The following NKX2-2 variants were observed in gnomAD, a reference collection of about 807,000 sequenced individuals.
NKX2-2 encodes homeobox protein Nkx-2.2.
A neutral mutation model predicts 24.6 loss-of-function variants in NKX2-2; 8 were observed. The ratio of observed to expected loss-of-function variants is 0.32; its 90% CI spans 0.19 to 0.59. The LOEUF (loss-of-function observed/expected upper bound fraction) is 0.59, where lower values mean the gene tolerates loss of function less well. Ranked by LOEUF, NKX2-2 falls within the 20% of genes least tolerant of loss-of-function variation. The pLI is 0.86. For missense variants in NKX2-2, 381 were observed against 373.9 expected (o/e 1.02, Z -0.16); for synonymous variants, 217 against 173.3 (o/e 1.25, Z -1.98).
chr20:21,515,331 G>A (rs1348202574), upstream of NKX2-2, among the ~76,000 whole-genome samples: 4 of 152,086 alleles, frequency 2.6e-5, no homozygotes, highest in Non-Finnish European at 4.4e-5. Flanking sequence ...GGGGGAGGGG[G>A]GTCGCTGGGT....
At chr20:21,520,751 G>C in the NKX2-2 span, among the ~76,000 whole-genome samples, 1 of 152,134 alleles carries the variant, frequency 6.6e-6, no homozygotes, top group Non-Finnish European at 1.5e-5. Flanking sequence ...GAACTCCTTG[G>C]CTTTATTCGT....
chr20:21,521,626 A>C, the NKX2-2 span, among the ~76,000 whole-genome samples: 1 of 151,980 alleles, frequency 6.6e-6, no homozygotes. Flanking sequence ...TCTCCAAATT[A>C]CCTTCGGGAC....
At chr20:21,521,781 G>C in the NKX2-2 span, among the ~76,000 whole-genome samples, 1 of 152,208 alleles carries the variant, frequency 6.6e-6, no homozygotes, top group South Asian at 2.1e-4. Flanking sequence ...AATCGGGAGG[G>C]AGCTAGCCAG....
At chr20:21,519,129 C>T in the NKX2-2 span, among the ~76,000 whole-genome samples, 1 of 152,238 alleles carries the variant, frequency 6.6e-6, no homozygotes, top group Admixed American at 6.5e-5. Context: ...CACAAAAGCG[C>T]TTCCAATCAT....
At position 21,513,764 on chromosome 20, in the gene NKX2-2, TG is replaced by T; in HGVS notation, c.-96del. 2 of 50,736 alleles carry T rather than the reference TG, an allele frequency of 3.9e-5. No individual in the cohort carries two copies. The highest frequency in any genetic ancestry group is 6.0e-5 in the Non-Finnish European group (2 of 33,598). The allele number at this position is 50,736 out of a possible 1,614,324, so 3.1% of individuals were successfully genotyped here. A position where few individuals can be genotyped will look rare whatever the true frequency, so the allele number is the denominator to read the frequency against. On this transcript the variant is annotated 5_prime_UTR_variant, in exon 1 of 2. Transcript: ENST00000377142. The surrounding 1 kb of genome is among the most constrained non-coding windows in gnomAD (Gnocchi z 4.6). ...CCCGGCGGGCGGGGGAGGGGGGAGT[TG>T]GGGGGAGGGACTGGGGGAGGGGAGG... is the stretch of plus-strand genomic sequence containing the variant.
At position 21,513,954 on chromosome 20, in the gene NKX2-2, C is replaced by G. The variant is rs1325292763; in HGVS notation, c.-285G>C. 4.3e-6 allele frequency: 1 copy of G among 234,936 alleles called. No individual in the cohort carries two copies. Among genetic ancestry groups the G allele is most frequent in the Admixed American group, 5.8e-5 (1 of 17,324 alleles). The allele number at this position is 234,936 out of a possible 1,614,324, so 14.6% of individuals were successfully genotyped here. On this transcript the variant is annotated 5_prime_UTR_variant, in exon 1 of 2. Coordinates refer to ENST00000377142, the MANE Select transcript of NKX2-2 (RefSeq NM_002509.4). The surrounding 1 kb of genome is among the most constrained non-coding windows in gnomAD (Gnocchi z 4.6). The stretch of plus-strand genomic sequence containing the variant: ...GCCGGGCGGCCTGCGCGCCGAGCGC[C>G]GCGGGCCCCGGCCTTAGTTTCTAAC...
upstream of NKX2-2, among the ~76,000 whole-genome samples, chr20:21,514,868 C>A (rs1980579978): frequency 6.6e-6 from 1 of 152,192 alleles, no homozygotes; most frequent in Admixed American, 6.5e-5. Context: ...GAGAGAGCTC[C>A]GCTCCGGGCC....
chr20:21,517,105 GAGA>G (rs1439297757), upstream of NKX2-2, among the ~76,000 whole-genome samples: 1 of 152,200 alleles, frequency 6.6e-6, no homozygotes, highest in Admixed American at 6.5e-5. Flanking sequence ...TAGGCGCCTA[GAGA>G]AGGAGGCCCT....
chr20:21,522,371 C>T, the NKX2-2 span, among the ~76,000 whole-genome samples: 1 of 152,170 alleles, frequency 6.6e-6, no homozygotes, highest in Non-Finnish European at 1.5e-5. Context: ...GCCGCGGTGA[C>T]CGTGCCCGGA....
Position 21,513,504 on chromosome 20 carries a change from C to T in NKX2-2, c.166G>A (p.Val56Met), listed in dbSNP as rs771424514. The T allele has an allele frequency of 2.5e-6, 4 of 1,612,970 alleles. No individual in the cohort carries two copies. The highest frequency in any genetic ancestry group is 3.3e-5 in the Admixed American group (2 of 59,894). The change falls in exon 1 of 2, where the codon GTG (valine) becomes ATG (methionine). Residue 56 changes from valine (V) to methionine (M), a missense_variant. Val to Met is a conservative substitution (Grantham distance 21). This residue lies in a region of NKX2-2 where 206 missense variants were observed against 173.1 expected (regional missense o/e 1.19). Transcript: ENST00000377142. This position sits in a 1 kb window ranked among gnomAD's most constrained non-coding sequence, Gnocchi z 4.6. ...GPLGQGALDA[V>M]QSLPLKNPFY... ...GGGTTCTTCAGGGGCAGGCTCTGCA[C>T]CGCGTCCAGGGCGCCCTGCCCCAGC... is the stretch of plus-strand genomic sequence containing the variant.
At chr20:21,522,665 C>A in the NKX2-2 span, among the ~76,000 whole-genome samples, 3 of 151,676 alleles carry the variant, frequency 2.0e-5, no homozygotes, top group African/African-American at 7.2e-5. Context: ...CGCGGGCGGT[C>A]GGGCGGCGGC....
At position 21,511,956 on chromosome 20, in the gene NKX2-2, G is replaced by T. The variant is rs1980446822; in HGVS notation, c.789C>A (p.His263Gln). The T allele has an allele frequency of 1.2e-6, 2 of 1,604,604 alleles. No individual in the cohort carries two copies. The highest frequency in any genetic ancestry group is 1.1e-5 in the South Asian group (1 of 90,916). Reference sequence around the variant, plus strand: ...TCCACTGCTGGGCCTGGACCAGGGGGTGTGCTGTCGGGTACTGGGGGGTGC... The same window carrying T: ...TCCACTGCTGGGCCTGGACCAGGGGTTGTGCTGTCGGGTACTGGGGGGTGC... ...SASTPQYPTAHPLVQAQQWTW is the reference protein window; with the variant it reads ...SASTPQYPTAQPLVQAQQWTW Residue 263 changes from histidine to glutamine, a missense_variant, in exon 2 of 2, where the codon CAC becomes CAA. Transcript: ENST00000377142.
chr20:21,522,600 G>A, the NKX2-2 span, among the ~76,000 whole-genome samples: 1 of 151,978 alleles, frequency 6.6e-6, no homozygotes, highest in Non-Finnish European at 1.5e-5. Flanking sequence ...CCTCGGCTGG[G>A]CGAGCGCGCA....
At chr20:21,516,386 C>A (rs1013817283), upstream of NKX2-2, among the ~76,000 whole-genome samples, 2 of 145,668 alleles carry the variant, frequency 1.4e-5, no homozygotes, top group Admixed American at 6.8e-5. Context: ...CATTACTTTT[C>A]GTGCTTTTTT....
the NKX2-2 span, among the ~76,000 whole-genome samples, chr20:21,521,859 C>G: frequency 2.6e-5 from 4 of 152,214 alleles, no homozygotes; most frequent in African/African-American, 9.6e-5. Context: ...CATTTCAAGG[C>G]GCGTCTTTAT....
chr20:21,520,399 T>C, the NKX2-2 span, among the ~76,000 whole-genome samples: 1 of 152,224 alleles, frequency 6.6e-6, no homozygotes, highest in African/African-American at 2.4e-5. Context: ...CTCCCAAGGA[T>C]GTAAATAGTA....
rs199565028 is a variant in NKX2-2, at chr20:21,512,095, G to A, written c.650C>T (p.Ala217Val). ...VLVRDGKPCHALKAQDLAAAT... is the reference protein window; with the variant it reads ...VLVRDGKPCHVLKAQDLAAAT... ...GGCTGCCAGGTCCTGGGCTTTGAGC[G>A]CGTGACATGGTTTGCCGTCCCTGAC... The change falls in exon 2 of 2, where the codon GCG (alanine) becomes GTG (valine). Residue 217 changes from alanine to valine, a missense_variant. Ala to Val is a moderately conservative substitution (Grantham distance 64). Around this residue, in one of 3 missense-constraint regions of NKX2-2, gnomAD observed 139 missense variants for 121.7 expected, o/e 1.14. Transcript: ENST00000377142. 192 of 1,613,740 alleles carry A rather than the reference G, an allele frequency of 1.2e-4. 1 individual carries two copies. The highest frequency in any genetic ancestry group is 1.5e-4 in the Non-Finnish European group (179 of 1,179,958).
upstream of NKX2-2, among the ~76,000 whole-genome samples, chr20:21,517,807 T>A (rs866456502): frequency 2.0e-5 from 3 of 151,908 alleles, no homozygotes; most frequent in Non-Finnish European, 4.4e-5. Flanking sequence ...TCCCCGAGAG[T>A]ACCACAGCTA....
Position 21,511,793 on chromosome 20 carries a change from G to C in NKX2-2, c.*130C>G, listed in dbSNP as rs1480016557. 1.4e-6 allele frequency: 1 copy of C among 701,150 alleles called. No individual in the cohort carries two copies. Among genetic ancestry groups the C allele is most frequent in the Non-Finnish European group, 2.1e-6 (1 of 466,538 alleles). The allele number at this position is 701,150 out of a possible 1,614,324, so 43.4% of individuals were successfully genotyped here. A position where few individuals can be genotyped will look rare whatever the true frequency, so the allele number is the denominator to read the frequency against. On this transcript the variant is annotated 3_prime_UTR_variant, in exon 2 of 2. Coordinates refer to ENST00000377142, the MANE Select transcript of NKX2-2 (RefSeq NM_002509.4). The stretch of plus-strand genomic sequence containing the variant: ...CCCGGCGCCTCCCTAGTGGAGCCGA[G>C]AGTCAACTCGACTCCATAATAATAA...
Sources: gnomAD v4.1 joint callset for allele counts (sites outside exome capture counted in the v4.1 genomes callset) on GRCh38, gnomAD v4.1.1 for gene constraint, gnomAD v4.1.1 regional missense constraint, Gnocchi (gnomAD v3.1) non-coding constraint, MANE v1.5 for transcripts, NCBI Gene and HGNC (gene_info 2026-07-23, HGNC 2026-07-21) for gene names.